The following SNX29 variants were observed in gnomAD, a reference collection of about 807,000 sequenced individuals.
SNX29 encodes the protein sorting nexin-29.
Under a neutral mutation model 102.1 loss-of-function variants are expected in SNX29, and 78 were observed. That is an observed-to-expected ratio of 0.76 (90% CI 0.64 to 0.92). The LOEUF is 0.92. SNX29 is among the 40% of genes least tolerant of loss of function. The pLI, the probability that SNX29 is intolerant of heterozygous loss-of-function variation, is 0.00. For synonymous variants in SNX29, 580 were observed against 414.5 expected, an observed-to-expected ratio of 1.40 and a Z score of -4.85; for missense variants, 1,280 against 1,061.7, an observed-to-expected ratio of 1.21 and a Z score of -2.86.
At chr16:12,553,170 A>G (rs527607153) in intron 20 of SNX29, among the ~76,000 whole-genome samples, 2 of 152,218 alleles carry the variant, frequency 1.3e-5, no homozygotes, top group East Asian at 1.9e-4. Flanking sequence ...GGATTTTTGG[A>G]TCTTTAAGTC....
chr16:12,238,662 A>G (rs554828393), intron 14 of SNX29, among the ~76,000 whole-genome samples: 8 of 152,334 alleles, frequency 5.3e-5, no homozygotes, highest in African/African-American at 1.7e-4. Flanking sequence ...TGGGGACCGC[A>G]AACCGCTGCA....
At chr16:12,390,178 G>GTGTGTGTGTGTA (rs1303815035) in intron 16 of SNX29, among the ~76,000 whole-genome samples, 103 of 149,550 alleles carry the variant, frequency 6.9e-4, no homozygotes, top group African/African-American at 2.5e-3. Context: ...GTGTGTGTGT[G>GTGTGTGTGTGTA]TGTATGTATA....
chr16:12,248,474 C>T (rs1454398807), intron 14 of SNX29, among the ~76,000 whole-genome samples: 1 of 151,920 alleles, frequency 6.6e-6, no homozygotes, highest in Non-Finnish European at 1.5e-5. Flanking sequence ...CAGCTCACTG[C>T]AACGTCTGCC....
chr16:12,533,556 C>G (rs951867375), intron 20 of SNX29, among the ~76,000 whole-genome samples: 5 of 152,214 alleles, frequency 3.3e-5, no homozygotes, highest in Non-Finnish European at 7.4e-5. Context: ...TTCTTACTTT[C>G]TTAGCCTCGT....
intron 19 of SNX29, among the ~76,000 whole-genome samples, chr16:12,496,273 A>T (rs547492870): frequency 6.6e-6 from 1 of 152,266 alleles, no homozygotes; most frequent in Admixed American, 6.5e-5. Context: ...GTCACATTCC[A>T]CCCAAGTCAG....
chr16:12,538,864 T>A (rs150570912), intron 20 of SNX29, among the ~76,000 whole-genome samples: 34 of 151,812 alleles, frequency 2.2e-4, no homozygotes, highest in African/African-American at 7.5e-4. Context: ...CAGAGAACGG[T>A]AGATGGGGCC....
intron 13 of SNX29, among the ~76,000 whole-genome samples, chr16:12,178,541 G>A (rs148668232): frequency 2.4e-3 from 359 of 152,288 alleles, no homozygotes; most frequent in Non-Finnish European, 4.0e-3. Context: ...TGAATGTTCC[G>A]TCATGGTCCT....
At chr16:12,228,155 A>G (rs892814850) in intron 14 of SNX29, among the ~76,000 whole-genome samples, 8 of 152,218 alleles carry the variant, frequency 5.3e-5, no homozygotes, top group Non-Finnish European at 8.8e-5. Context: ...CAGAGTCTGC[A>G]CTTTAACAAG....
At chr16:11,993,628 A>T (rs57527314) in intron 1 of SNX29, among the ~76,000 whole-genome samples, 2,147 of 152,290 alleles carry the variant, frequency 0.014, 134 homozygotes, top group Admixed American at 0.093. Flanking sequence ...GAGGTTAAGT[A>T]ACTTGCTCAT....
intron 11 of SNX29, among the ~76,000 whole-genome samples, chr16:12,101,139 A>T (rs987679174): frequency 3.9e-5 from 6 of 152,102 alleles, no homozygotes; most frequent in African/African-American, 1.4e-4. Context: ...CGTTTTAGAC[A>T]TTACCAGTTT....
chr16:12,401,629 G>T (rs2151505041), intron 17 of SNX29, among the ~76,000 whole-genome samples: 1 of 152,236 alleles, frequency 6.6e-6, no homozygotes, highest in South Asian at 2.1e-4. Flanking sequence ...CTCCCAAAGT[G>T]CTGGGATTAC....
intron 11 of SNX29, among the ~76,000 whole-genome samples, chr16:12,105,562 T>A (rs900173603): frequency 6.6e-6 from 1 of 151,852 alleles, no homozygotes; most frequent in Non-Finnish European, 1.5e-5. Context: ...AAAAAAAAAA[T>A]CCACCCACAA....
chr16:12,137,304 C>T (rs373428439), intron 13 of SNX29, among the ~76,000 whole-genome samples: 8 of 152,314 alleles, frequency 5.3e-5, no homozygotes, highest in Middle Eastern at 3.4e-3. Context: ...GATGCTGAGG[C>T]GAGGCCAGAA....
chr16:12,258,119 C>G (rs1235590259), intron 14 of SNX29, among the ~76,000 whole-genome samples: 1 of 152,148 alleles, frequency 6.6e-6, no homozygotes, highest in Non-Finnish European at 1.5e-5. Flanking sequence ...GTTTAGCAAT[C>G]AGCAAACAGG....
In SNX29 at chr16:12,568,915, T is replaced by G; in HGVS notation, c.*286T>G. The G allele has an allele frequency of 2.2e-6, 1 of 456,548 alleles. No homozygotes were observed. The highest frequency in any genetic ancestry group is 3.9e-6 in the Non-Finnish European group (1 of 258,272). 28.3% of individuals were successfully genotyped at this position (456,548 alleles called of 1,614,324 possible). A position where few individuals can be genotyped will look rare whatever the true frequency, so the allele number is the denominator to read the frequency against. Reference sequence around the variant, plus strand: ...GGCTGCAAGGGCTGTTCCTCCACCTTTCTGTAGTTCAGGGCTGGCAGGAGG... The same window carrying G: ...GGCTGCAAGGGCTGTTCCTCCACCTGTCTGTAGTTCAGGGCTGGCAGGAGG... On this transcript the variant is annotated 3_prime_UTR_variant, in exon 21 of 21. Transcript: ENST00000566228.
rs146622479 is a variant in SNX29, at chr16:12,076,444, A to G, written c.1320-2389A>G. 5.5e-3 allele frequency among the ~76,000 whole-genome samples: 834 copies of G among 151,824 alleles called. 7 individuals carry two copies. The highest frequency in any genetic ancestry group is 0.019 in the African/African-American group (791 of 41,426). On this transcript the variant is annotated intron_variant, in intron 10 of 20. Coordinates refer to ENST00000566228, the MANE Select transcript of SNX29 (RefSeq NM_032167.5). Reference sequence around the variant, plus strand: ...GCCTCCCAAGTACCTGGGATTACACATGTCCACCACCATGCCCGGCTAATT... The same window carrying G: ...GCCTCCCAAGTACCTGGGATTACACGTGTCCACCACCATGCCCGGCTAATT...
At chr16:11,977,171 G>T in intron 1 of SNX29, 1 of 278,192 alleles carries the variant, frequency 3.6e-6, no homozygotes, top group Non-Finnish European at 6.7e-6. Flanking sequence ...TAGACCCGCT[G>T]CGTCCCAGCT....
intron 7 of SNX29, among the ~76,000 whole-genome samples, 169 bp from the exon 8 acceptor site, chr16:12,051,678 A>G (rs1455413685): frequency 6.6e-6 from 1 of 152,224 alleles, no homozygotes; most frequent in African/African-American, 2.4e-5. Context: ...ATTCTGCTCA[A>G]TCTTCTGTAC....
chr16:12,031,022 C>T (rs185672081), intron 4 of SNX29, among the ~76,000 whole-genome samples: 1 of 152,192 alleles, frequency 6.6e-6, no homozygotes, highest in East Asian at 1.9e-4. Context: ...CCTTCAGTGC[C>T]GCTGCCTGTG....
Sources: gnomAD v4.1 joint callset for allele counts (sites outside exome capture counted in the v4.1 genomes callset) on GRCh38, gnomAD v4.1.1 for gene constraint, MANE v1.5 for transcripts, NCBI Gene and HGNC (gene_info 2026-07-23, HGNC 2026-07-21) for gene names.